DSC2: variants seen among roughly 807,000 people sequenced by gnomAD.
DSC2 encodes desmocollin-2.
Under a neutral mutation model 87.6 loss-of-function variants are expected in DSC2, and 51 were observed. The ratio of observed to expected loss-of-function variants is 0.58; its 90% confidence interval spans 0.46 to 0.74. DSC2 has a LOEUF of 0.74. DSC2 is among the 30% of genes least tolerant of loss of function. DSC2 has a pLI of 0.00. For synonymous variants in DSC2, 383 were observed against 393.2 expected (o/e 0.97, Z 0.31); for missense variants, 1,066 against 1,089.5 (o/e 0.98, Z 0.30).
At chr18:31,084,542 A>C (rs1424221156) in intron 7 of DSC2, among the ~76,000 whole-genome samples, 1 of 152,152 alleles carries the variant, frequency 6.6e-6, no homozygotes, top group African/African-American at 2.4e-5. Flanking sequence ...ACTAGAGAGC[A>C]CCACTGGATA....
intron 3 of DSC2, chr18:31,091,432 T>C (rs1987595553): frequency 1.9e-6 from 1 of 533,064 alleles, no homozygotes; most frequent in Non-Finnish European, 3.6e-6. Flanking sequence ...AAAAAATTAC[T>C]GTTGCCCCAT....
chr18:31,090,078 T>TA (rs879687699), intron 4 of DSC2, among the ~76,000 whole-genome samples: 98 of 146,528 alleles, frequency 6.7e-4, no homozygotes, highest in East Asian at 2.0e-3. Flanking sequence ...AGGAACTGAG[T>TA]AAAAAAAAAA....
intron 9 of DSC2, among the ~76,000 whole-genome samples, chr18:31,080,686 T>C (rs1987190031): frequency 6.6e-6 from 1 of 152,216 alleles, no homozygotes; most frequent in Non-Finnish European, 1.5e-5. Context: ...CTGTCTCTCC[T>C]GTTGCCATGT....
At chr18:31,098,236 T>A (rs928542745) in intron 1 of DSC2, among the ~76,000 whole-genome samples, 1 of 152,198 alleles carries the variant, frequency 6.6e-6, no homozygotes, top group Non-Finnish European at 1.5e-5. Context: ...CAAATTTATA[T>A]AACAATTTAT....
chr18:31,068,409 T>G, intron 15 of DSC2, 197 bp from the exon 16 acceptor site: 2 of 1,535,556 alleles, frequency 1.3e-6, no homozygotes, highest in Non-Finnish European at 1.8e-6. Flanking sequence ...CAGTATAGCA[T>G]GTTTCTAAAA....
chr18:31,085,687 G>A (rs1402306109), intron 7 of DSC2, among the ~76,000 whole-genome samples: 1 of 151,930 alleles, frequency 6.6e-6, no homozygotes, highest in African/African-American at 2.4e-5. Flanking sequence ...ATGAGGGATA[G>A]AGGAAGGAAG....
intron 1 of DSC2, among the ~76,000 whole-genome samples, chr18:31,096,695 T>C (rs1484701907): frequency 6.6e-6 from 1 of 152,134 alleles, no homozygotes; most frequent in African/African-American, 2.4e-5. Context: ...AATTGATAAG[T>C]ACTTTTGCAA....
At chr18:31,075,728 T>C (rs894713371) in intron 11 of DSC2, among the ~76,000 whole-genome samples, 1 of 152,092 alleles carries the variant, frequency 6.6e-6, no homozygotes, top group Non-Finnish European at 1.5e-5. Flanking sequence ...CACATGCCTA[T>C]AATATCAGCT....
Position 31,101,992 on chromosome 18 carries a change from C to A in DSC2, c.-21G>T. On this transcript the variant is annotated 5_prime_UTR_variant, in exon 1 of 16. Transcript: ENST00000280904. ...TCCATGGAGAGGGCTCGGGGCAGGT[C>A]GCGGGCCGAGCGTCGGGCCGGGGTA... is the stretch of plus-strand genomic sequence containing the variant. The A allele has an allele frequency of 6.7e-7, 1 of 1,491,494 alleles. No individual in the cohort carries two copies. Among genetic ancestry groups the A allele is most frequent in the Non-Finnish European group, 8.9e-7 (1 of 1,124,728 alleles). 92.4% of individuals were successfully genotyped at this position (1,491,494 alleles called of 1,614,324 possible). A position where few individuals can be genotyped will look rare whatever the true frequency, so the allele number is the denominator to read the frequency against.
Position 31,086,576 on chromosome 18 carries a change from C to T in DSC2, c.942G>A (p.Glu314=). Residue 314 remains glutamate, a splice_region_variant and synonymous_variant, in exon 7 of 16, where the codon GAG becomes GAA. Transcript: ENST00000280904. Reference sequence around the variant, plus strand: ...CAGGTTTTATTAATGTTTATGTTACCTCTCTGTCTAGCTGAGATGATGTTG... The same window carrying T: ...CAGGTTTTATTAATGTTTATGTTACTTCTCTGTCTAGCTGAGATGATGTTG... ...ITTTSSQLDR[E]LIDKYQLKIK... 6.2e-7 allele frequency: 1 copy of T among 1,613,996 alleles called. No individual in the cohort carries two copies. Among genetic ancestry groups the T allele is most frequent in the Non-Finnish European group, 8.5e-7 (1 of 1,179,942 alleles).
rs1318888183 is a variant in DSC2, at chr18:31,074,903, C to T, written c.1668G>A (p.Gly556=). The part of the protein sequence containing the change: ...NITVLASDQG[G]RTCTGTLGII... ...TGCCCAGTGTCCCCGTACATGTTCT[C>T]CCTCCTAGAAAAATGAAAATAAAAA... Residue 556 remains glycine (G), a synonymous_variant, in exon 12 of 16, where the codon GGG becomes GGA. Transcript: ENST00000280904. 1.2e-6 allele frequency: 2 copies of T among 1,612,998 alleles called. No homozygotes were observed. The highest frequency in any genetic ancestry group is 1.7e-6 in the Non-Finnish European group (2 of 1,179,528).
Position 31,102,187 on chromosome 18 carries a change from A to G in DSC2, c.-216T>C. The G allele has an allele frequency of 2.1e-6, 1 of 467,068 alleles. No individual in the cohort carries two copies. Among genetic ancestry groups the G allele is most frequent in the South Asian group, 4.0e-5 (1 of 24,820 alleles). 28.9% of individuals were successfully genotyped at this position (467,068 alleles called of 1,614,324 possible). On this transcript the variant is annotated 5_prime_UTR_variant, in exon 1 of 16. Coordinates refer to ENST00000280904, the MANE Select transcript of DSC2 (RefSeq NM_024422.6). ...TTCCTTTGGCGGAGGGAGGGGCTCCAGACGCGTCCAAAAGACACCGATCGG... is the reference window on the plus strand; with the variant it reads ...TTCCTTTGGCGGAGGGAGGGGCTCCGGACGCGTCCAAAAGACACCGATCGG...
chr18:31,071,562 T>A, intron 13 of DSC2, 43 bp downstream of exon 13: 3 of 1,572,634 alleles, frequency 1.9e-6, no homozygotes, highest in Non-Finnish European at 8.8e-7. Context: ...GAAAGTTACT[T>A]TAAAGGGTAT....
chr18:31,093,732 TG>T (rs1987680006), intron 1 of DSC2, 89 bp from the exon 2 acceptor site: 1 of 567,082 alleles, frequency 1.8e-6, no homozygotes, highest in Non-Finnish European at 2.4e-6. Context: ...AAATTTATAA[TG>T]ATATACACAT....
chr18:31,075,931 G>A (rs570136697), intron 11 of DSC2, among the ~76,000 whole-genome samples: 1 of 152,230 alleles, frequency 6.6e-6, no homozygotes, highest in South Asian at 2.1e-4. Flanking sequence ...GCACTGCACT[G>A]GAAAATCTGG....
Position 31,101,888 on chromosome 18 carries a change from C to T in DSC2, c.69+15G>A, listed in dbSNP as rs770857989. 1.3e-6 allele frequency: 2 copies of T among 1,530,692 alleles called. No homozygotes were observed. Among genetic ancestry groups the T allele is most frequent in the African/African-American group, 1.4e-5 (1 of 72,068 alleles). The allele number at this position is 1,530,692 out of a possible 1,614,324, so 94.8% of individuals were successfully genotyped here. A position where few individuals can be genotyped will look rare whatever the true frequency, so the allele number is the denominator to read the frequency against. On this transcript the variant is annotated intron_variant, in intron 1 of 15. Coordinates refer to ENST00000280904, the MANE Select transcript of DSC2 (RefSeq NM_024422.6). ...TCGCCCCCTTCCCCGGAGCGGTGGC[C>T]GCGGCTACACTCACCGCGAGGGTCA...
rs929140151 is a variant in DSC2 at position 31,065,735 on chromosome 18, C to T, written c.*2280G>A. 1 of 152,184 alleles carries T rather than the reference C, an allele frequency of 6.6e-6. No homozygotes were observed. The highest frequency in any genetic ancestry group is 2.4e-5 in the African/African-American group (1 of 41,444). 9.4% of individuals were successfully genotyped at this position (152,184 alleles called of 1,614,324 possible). ...TAGAATTAGTGCCCATTTTAAGAAGCAGATGTTCTGCTTTTCATCCAATTT... is the reference window on the plus strand; with the variant it reads ...TAGAATTAGTGCCCATTTTAAGAAGTAGATGTTCTGCTTTTCATCCAATTT... On this transcript the variant is annotated 3_prime_UTR_variant, in exon 16 of 16. Coordinates refer to ENST00000280904, the MANE Select transcript of DSC2 (RefSeq NM_024422.6).
Position 31,070,770 on chromosome 18 carries a change from T to C in DSC2, c.2206A>G (p.Asn736Asp), listed in dbSNP as rs371950232. 8 of 1,613,880 alleles carry C rather than the reference T, an allele frequency of 5.0e-6. No homozygotes were observed. Among genetic ancestry groups the C allele is most frequent in the South Asian group, 1.1e-5 (1 of 91,094 alleles). The change falls in exon 14 of 16, where the codon AAC becomes GAC. Residue 736 changes from asparagine to aspartate, a missense_variant. Physicochemically the swap from Asn to Asp is conservative, Grantham distance 23. Transcript: ENST00000280904. Reference protein sequence around the residue: ...KVIPDDLAQQNLIVSNTEAPG... With the variant: ...KVIPDDLAQQDLIVSNTEAPG... The stretch of plus-strand genomic sequence containing the variant: ...GCTTCTGTGTTTGATACAATTAGGT[T>C]CTGCTGGGCTAAATCATCAGGAATT...
Position 31,074,752 on chromosome 18 carries a change from G to T in DSC2, c.1819C>A (p.Pro607Thr). The change falls in exon 12 of 16, where the codon CCC (proline) becomes ACC (threonine). Residue 607 changes from proline (P) to threonine (T), a missense_variant. Pro to Thr is a conservative substitution (Grantham distance 38). Coordinates refer to ENST00000280904, the MANE Select transcript of DSC2 (RefSeq NM_024422.6). ...GAACTCTCCAGACTAAAGTCAAAGGGTGGGCCATGGATAGGCTCATCAGGA... is the reference window on the plus strand; with the variant it reads ...GAACTCTCCAGACTAAAGTCAAAGGTTGGGCCATGGATAGGCTCATCAGGA... ...VDPDEPIHGP[P>T]FDFSLESSTS... The T allele has an allele frequency of 6.2e-7, 1 of 1,613,962 alleles. No homozygotes were observed. The highest frequency in any genetic ancestry group is 8.5e-7 in the Non-Finnish European group (1 of 1,179,962).
Sources: gnomAD v4.1 joint callset for allele counts (sites outside exome capture counted in the v4.1 genomes callset) on GRCh38, gnomAD v4.1.1 for gene constraint, MANE v1.5 for transcripts, NCBI Gene and HGNC (gene_info 2026-07-23, HGNC 2026-07-21) for gene names.